The following WDR44 variants were observed in gnomAD, a reference collection of about 807,000 sequenced individuals.
WDR44 encodes WD repeat-containing protein 44.
Under a neutral mutation model 65.7 loss-of-function variants are expected in WDR44, and 9 were observed. That is an observed-to-expected ratio of 0.14 (90% CI 0.08 to 0.24). The LOEUF is 0.24. Ranked by LOEUF, WDR44 falls within the 10% of genes least tolerant of loss-of-function variation. WDR44 has a pLI of 1.00. For synonymous variants in WDR44, 220 were observed against 235.2 expected (o/e 0.94, Z 0.59); for missense variants, 425 against 670.9 (o/e 0.63, Z 4.05).
chrX:118,402,865 A>G (rs1208669288), intron 8 of WDR44, among the ~76,000 whole-genome samples: 9 of 112,639 alleles, frequency 8.0e-5, no homozygotes, highest in African/African-American at 2.9e-4. Context: ...CTACATTTGT[A>G]GTGATTGCTA....
chrX:118,358,904 C>G (rs996120005), intron 1 of WDR44, among the ~76,000 whole-genome samples: 1 of 110,928 alleles, frequency 9.0e-6, no homozygotes, highest in African/African-American at 3.3e-5. Context: ...GAAACTCCAT[C>G]TCTACTAAAA....
intron 3 of WDR44, among the ~76,000 whole-genome samples, chrX:118,389,295 T>C (rs1056450266): frequency 6.2e-5 from 7 of 112,336 alleles, no homozygotes; most frequent in African/African-American, 1.9e-4. Context: ...CTAAATGCAG[T>C]AAGTATTCAA....
At chrX:118,417,411 G>A (rs1239738485) in intron 12 of WDR44, among the ~76,000 whole-genome samples, 1 of 110,715 alleles carries the variant, frequency 9.0e-6, no homozygotes, top group Non-Finnish European at 1.9e-5. Context: ...TTGTTTGTCT[G>A]AAAACGACTG....
Position 118,346,434 on chromosome X carries a change from CGAG to C in WDR44, c.-63_-61del, listed in dbSNP as rs2056349933. On this transcript the variant is annotated 5_prime_UTR_variant, in exon 1 of 20. Transcript: ENST00000254029. ...CCAGTCTCGCCCGGGTGGAGGTCGACGAGGAGGAGACAAGAGTCACCCTTCCTC... is the reference window on the plus strand; with the variant it reads ...CCAGTCTCGCCCGGGTGGAGGTCGACGAGGAGACAAGAGTCACCCTTCCTC... 1.1e-5 allele frequency: 11 copies of C among 990,159 alleles called. No homozygotes were observed. Among genetic ancestry groups the C allele is most frequent in the Non-Finnish European group, 4.3e-6 (3 of 699,411 alleles). 81.6% of individuals were successfully genotyped at this position (990,159 alleles called of 1,213,427 possible). A position where few individuals can be genotyped will look rare whatever the true frequency, so the allele number is the denominator to read the frequency against.
intron 4 of WDR44, among the ~76,000 whole-genome samples, 194 bp downstream of exon 4, chrX:118,393,465 G>A (rs1390154432): frequency 2.7e-5 from 3 of 110,829 alleles, no homozygotes; most frequent in South Asian, 3.9e-4. Flanking sequence ...GGTGGCACGC[G>A]CCTGTAGTCC....
intron 15 of WDR44, 128 bp downstream of exon 15, chrX:118,441,687 G>A (rs1303386918): frequency 1.8e-6 from 1 of 568,987 alleles, no homozygotes; most frequent in Non-Finnish European, 2.6e-6. Context: ...ATAATACCAT[G>A]TCTGTCTTAA....
At chrX:118,386,938 T>C (rs1016780058) in intron 2 of WDR44, among the ~76,000 whole-genome samples, 2 of 110,543 alleles carry the variant, frequency 1.8e-5, no homozygotes, top group African/African-American at 3.3e-5. Context: ...TCCCAGCACT[T>C]TGGGAGGCTG....
intron 1 of WDR44, among the ~76,000 whole-genome samples, chrX:118,363,065 A>C (rs765564568): frequency 1.8e-5 from 2 of 108,561 alleles, no homozygotes; most frequent in African/African-American, 3.4e-5. Context: ...TTTAGTGTCC[A>C]ATGCTTTTTT....
intron 14 of WDR44, among the ~76,000 whole-genome samples, chrX:118,438,335 T>C (rs1259713012): frequency 6.2e-5 from 7 of 112,655 alleles, no homozygotes; most frequent in Non-Finnish European, 1.9e-5. Flanking sequence ...TTTCCATCCA[T>C]AAATCTTTCC....
chrX:118,409,187 T>C (rs1215618462), intron 10 of WDR44, among the ~76,000 whole-genome samples: 2 of 111,293 alleles, frequency 1.8e-5, no homozygotes, highest in African/African-American at 6.5e-5. Flanking sequence ...TGGAGTGCAA[T>C]GGCGCGGTCT....
intron 1 of WDR44, among the ~76,000 whole-genome samples, chrX:118,352,350 ATATTTTTTT>A (rs1206998528): frequency 2.0e-4 from 4 of 20,289 alleles, no homozygotes; most frequent in African/African-American, 8.2e-4. Flanking sequence ...ATATATATAT[ATATTTTTTT>A]TTTTTTTTTT....
At chrX:118,414,257 CTTTTT>C (rs565805780) in intron 12 of WDR44, among the ~76,000 whole-genome samples, 1 of 46,735 alleles carries the variant, frequency 2.1e-5, no homozygotes, top group East Asian at 6.3e-4. Flanking sequence ...CTTGCGATTG[CTTTTT>C]TTTTTTTTTT....
At chrX:118,441,741 TA>T (rs1412129852) in intron 15 of WDR44, among the ~76,000 whole-genome samples, 182 bp downstream of exon 15, 1 of 110,814 alleles carries the variant, frequency 9.0e-6, no homozygotes, top group Middle Eastern at 4.2e-3. Flanking sequence ...AATTCTAATT[TA>T]AAAAAAATTT....
At chrX:118,394,478 C>T (rs1267818713) in intron 5 of WDR44, among the ~76,000 whole-genome samples, 3 of 111,559 alleles carry the variant, frequency 2.7e-5, no homozygotes, top group African/African-American at 9.8e-5. Flanking sequence ...ATTCAAAAAA[C>T]GACAGATGCT....
chrX:118,414,188 A>T (rs2057034911), intron 12 of WDR44, among the ~76,000 whole-genome samples: 1 of 100,616 alleles, frequency 9.9e-6, no homozygotes, highest in Admixed American at 1.1e-4. Flanking sequence ...GAATTTTAGA[A>T]TTGTTTTTTC....
intron 19 of WDR44, among the ~76,000 whole-genome samples, chrX:118,446,208 C>T (rs2057345099): frequency 9.1e-6 from 1 of 110,221 alleles, no homozygotes. Context: ...TGCTTGAACT[C>T]GGGAAGGTGG....
chrX:118,442,923 G>A (rs2057314741), intron 17 of WDR44, among the ~76,000 whole-genome samples: 1 of 111,645 alleles, frequency 9.0e-6, no homozygotes, highest in Non-Finnish European at 1.9e-5. Flanking sequence ...CATGGTTGTA[G>A]AGCCAAGATT....
rs1420391568 is a variant in WDR44, at chrX:118,346,214, C to G, written c.-290C>G. On this transcript the variant is annotated 5_prime_UTR_variant, in exon 1 of 20. Transcript: ENST00000254029. ...TTCTTCCCTTACTGCGAGGAGCCAC[C>G]GCCTCTTTCGCGCTCCTTATACACC... The G allele has an allele frequency of 3.2e-6, 1 of 310,519 alleles. No individual in the cohort carries two copies. The highest frequency in any genetic ancestry group is 5.6e-6 in the Non-Finnish European group (1 of 178,940). The allele number at this position is 310,519 out of a possible 1,213,427, so 25.6% of individuals were successfully genotyped here.
intron 12 of WDR44, among the ~76,000 whole-genome samples, chrX:118,432,179 T>C (rs182837272): frequency 3.6e-5 from 4 of 111,744 alleles, no homozygotes; most frequent in East Asian, 5.6e-4. Context: ...AGTAGCATCG[T>C]CCTACTATCT....
Sources: gnomAD v4.1 joint callset for allele counts (sites outside exome capture counted in the v4.1 genomes callset) on GRCh38, gnomAD v4.1.1 for gene constraint, MANE v1.5 for transcripts, NCBI Gene and HGNC (gene_info 2026-07-23, HGNC 2026-07-21) for gene names.